The following EIF3A variants were observed in gnomAD, a reference collection of about 807,000 sequenced individuals.
The protein encoded by EIF3A is EIF3, p180 subunit.
EIF3A carries 21 observed loss-of-function variants against 186.6 expected under a neutral mutation model. The observed-to-expected ratio is 0.11, with a 90% CI of 0.08 to 0.16. The LOEUF (loss-of-function observed/expected upper bound fraction) is 0.16. Among genes scored for constraint, EIF3A ranks in the 10% least tolerant of loss-of-function variants. The pLI, the probability that EIF3A is intolerant of heterozygous loss-of-function variation, is 1.00. For missense variants in EIF3A, 1,306 were observed against 1,796.3 expected, an observed-to-expected ratio of 0.73 and a Z score of 4.93; for synonymous variants, 563 against 584.3, an observed-to-expected ratio of 0.96 and a Z score of 0.52.
At chr10:119,078,689 C>T (rs1844213153) in intron 1 of EIF3A, among the ~76,000 whole-genome samples, 2 of 152,146 alleles carry the variant, frequency 1.3e-5, no homozygotes, top group South Asian at 2.1e-4. Flanking sequence ...AAAAGCTACA[C>T]AAACAAAACT....
chr10:119,074,917 T>A (rs1589697359), intron 1 of EIF3A, among the ~76,000 whole-genome samples: 4 of 1,892 alleles, frequency 2.1e-3, no homozygotes, highest in South Asian at 0.019. Flanking sequence ...AAACTCCAAC[T>A]CAAAAAAAAA....
At chr10:119,068,327 G>A (rs1844012788) in intron 6 of EIF3A, among the ~76,000 whole-genome samples, 1 of 152,062 alleles carries the variant, frequency 6.6e-6, no homozygotes, top group East Asian at 1.9e-4. Context: ...GAATAAACAT[G>A]ACCCAAATAT....
At position 119,034,932 on chromosome 10, in the gene EIF3A, AAC is replaced by A. The variant is rs71480777; in HGVS notation, c.*1105_*1106del. On this transcript the variant is annotated 3_prime_UTR_variant, in exon 22 of 22. Transcript: ENST00000369144. ...TTTAGGTTCATTTTCATTGATACTA[AAC>A]ACAGACATTTAATGGCACTGATAAA... The A allele has an allele frequency of 5.3e-3, 804 of 152,702 alleles. 5 individuals are homozygous for A. Among genetic ancestry groups the A allele is most frequent in the Non-Finnish European group, 8.7e-3 (590 of 68,044 alleles). 9.5% of individuals were successfully genotyped at this position (152,702 alleles called of 1,614,324 possible). A position where few individuals can be genotyped will look rare whatever the true frequency, so the allele number is the denominator to read the frequency against.
At chr10:119,077,893 G>C (rs1438204563) in intron 1 of EIF3A, among the ~76,000 whole-genome samples, 1 of 152,086 alleles carries the variant, frequency 6.6e-6, no homozygotes, top group African/African-American at 2.4e-5. Context: ...AAGCTTTTGA[G>C]ACTGGAAAGA....
intron 6 of EIF3A, among the ~76,000 whole-genome samples, chr10:119,068,492 T>A (rs564380049): frequency 6.6e-6 from 1 of 151,146 alleles, no homozygotes; most frequent in South Asian, 2.1e-4. Context: ...CTGGCCAACA[T>A]CATGAAACCC....
intron 20 of EIF3A, among the ~76,000 whole-genome samples, chr10:119,037,814 A>C (rs1198773487): frequency 6.6e-6 from 1 of 152,148 alleles, no homozygotes; most frequent in Non-Finnish European, 1.5e-5. Flanking sequence ...ACGGACTGAC[A>C]AAGATGGCTG....
chr10:119,068,242 A>C (rs1176147623), intron 6 of EIF3A, among the ~76,000 whole-genome samples: 1 of 152,208 alleles, frequency 6.6e-6, no homozygotes, highest in Non-Finnish European at 1.5e-5. Flanking sequence ...GAACGTGTGG[A>C]GCACAGGGAA....
intron 14 of EIF3A, among the ~76,000 whole-genome samples, 162 bp downstream of exon 14, chr10:119,056,578 T>C (rs1843786489): frequency 1.3e-5 from 2 of 152,244 alleles, no homozygotes; most frequent in African/African-American, 2.4e-5. Context: ...TAATCTCTAT[T>C]GTGAAATTTT....
chr10:119,048,912 C>T (rs1014586081), intron 17 of EIF3A, among the ~76,000 whole-genome samples: 17 of 152,122 alleles, frequency 1.1e-4, no homozygotes, highest in African/African-American at 3.4e-4. Flanking sequence ...GCGATCCGCA[C>T]GCCTCGGCTT....
chr10:119,071,108 T>C (rs1182946359), intron 4 of EIF3A, 23 bp from the exon 5 acceptor site: 3 of 1,529,504 alleles, frequency 2.0e-6, no homozygotes, highest in Non-Finnish European at 2.7e-6. Context: ...TTGTAAAATA[T>C]ATTAGGTACC....
At chr10:119,052,368 TTGTGTGTGTGTGTGTGTG>T (rs61029991) in intron 14 of EIF3A, among the ~76,000 whole-genome samples, 2 of 122,970 alleles carry the variant, frequency 1.6e-5, no homozygotes, top group East Asian at 2.4e-4. Flanking sequence ...TTTTTTGGTT[TTGTGTGTGTGTGTGTGTG>T]TGTGTGTGTG....
At chr10:119,076,321 C>T (rs1398497280) in intron 1 of EIF3A, among the ~76,000 whole-genome samples, 6 of 15,664 alleles carry the variant, frequency 3.8e-4, no homozygotes, top group African/African-American at 9.8e-4. Context: ...CAACAAGTCT[C>T]CAAAAAAAAA....
rs7099529 is a variant in EIF3A, at chr10:119,065,893, C to G, written c.951-323G>C. On this transcript the variant is annotated intron_variant, in intron 6 of 21. Transcript: ENST00000369144. Reference sequence around the variant, plus strand: ...GCACTTTGGGAGGCCAAGGGGGGCACATCACGACGTCAAGAGATCGAGACC... The same window carrying G: ...GCACTTTGGGAGGCCAAGGGGGGCAGATCACGACGTCAAGAGATCGAGACC... 9.6e-3 allele frequency among the ~76,000 whole-genome samples: 1,433 copies of G among 149,668 alleles called. 22 individuals carry two copies. Among genetic ancestry groups the G allele is most frequent in the African/African-American group, 0.032 (1,291 of 40,754 alleles).
In EIF3A at chr10:119,079,764, G is replaced by A. The variant is rs975115128; in HGVS notation, c.49+864C>T. The stretch of plus-strand genomic sequence containing the variant: ...TAGAAATCGCAGACAGCAGCACTGT[G>A]GCAGAAAAAAAGAGAAAAAAGGACT... On this transcript the variant is annotated intron_variant, in intron 1 of 21. Transcript: ENST00000369144. Among the ~76,000 whole-genome samples, 7 of 152,044 alleles carry A rather than the reference G, an allele frequency of 4.6e-5. No homozygotes were observed. In the South Asian group the frequency reaches 6.2e-4, roughly 13 times the overall value.
intron 19 of EIF3A, 34 bp from the exon 20 acceptor site, chr10:119,038,473 T>C: frequency 6.5e-7 from 1 of 1,543,768 alleles, no homozygotes; most frequent in African/African-American, 1.4e-5. Flanking sequence ...ATTTTTAAAA[T>C]ATTTTTAAAA....
chr10:119,073,595 A>G lies in EIF3A; in HGVS notation c.241-18T>C, dbSNP rs1285461617. 6.2e-7 allele frequency: 1 copy of G among 1,606,166 alleles called. No individual in the cohort carries two copies. Among genetic ancestry groups the G allele is most frequent in the East Asian group, 2.2e-5 (1 of 44,818 alleles). ...ATGTTCACCTAATCCAAAAAAACAA[A>G]AACTCTTCAGAACTTATTTTTCCAT... On this transcript the variant is annotated intron_variant, in intron 2 of 21. Coordinates refer to ENST00000369144, the MANE Select transcript of EIF3A (RefSeq NM_003750.4).
intron 5 of EIF3A, among the ~76,000 whole-genome samples, 164 bp downstream of exon 5, chr10:119,070,722 C>T (rs554929465): frequency 6.6e-6 from 1 of 152,290 alleles, no homozygotes; most frequent in South Asian, 2.1e-4. Context: ...ACAAAATATT[C>T]TGAGATTTCT....
intron 20 of EIF3A, among the ~76,000 whole-genome samples, chr10:119,037,587 T>C (rs1848150387): frequency 1.3e-5 from 2 of 152,204 alleles, no homozygotes; most frequent in Admixed American, 6.5e-5. Context: ...TCTAAGTGCT[T>C]GGCTGCCAAA....
intron 20 of EIF3A, 98 bp from the exon 21 acceptor site, chr10:119,037,407 TATAAC>T (rs1459938245): frequency 5.6e-6 from 6 of 1,075,466 alleles, no homozygotes; most frequent in South Asian, 4.5e-5. Flanking sequence ...AGTTTACAAA[TATAAC>T]AGACAGTTTA....
Sources: gnomAD v4.1 joint callset for allele counts (sites outside exome capture counted in the v4.1 genomes callset) on GRCh38, gnomAD v4.1.1 for gene constraint, MANE v1.5 for transcripts, NCBI Gene and HGNC (gene_info 2026-07-23, HGNC 2026-07-21) for gene names.